The following CMBL variants were observed in gnomAD, a reference collection of about 807,000 sequenced individuals.
CMBL encodes carboxymethylenebutenolidase homolog (Pseudomonas).
CMBL carries 17 observed loss-of-function variants against 28.7 expected under a neutral mutation model. The ratio of observed to expected loss-of-function variants is 0.59; its 90% CI spans 0.41 to 0.89. The LOEUF (loss-of-function observed/expected upper bound fraction) is 0.89. Among genes scored for constraint, CMBL ranks in the 40% least tolerant of loss-of-function variants. The pLI, the probability that CMBL is intolerant of heterozygous loss-of-function variation, is 0.00. For synonymous variants in CMBL, 106 were observed against 101.6 expected (o/e 1.04, Z -0.26); for missense variants, 310 against 298.5 (o/e 1.04, Z -0.28).
In CMBL at chr5:10,286,435, C is replaced by A. The variant is rs144167278; in HGVS notation, c.385G>T (p.Val129Leu). 1 of 1,614,086 alleles carries A rather than the reference C, an allele frequency of 6.2e-7. No individual in the cohort carries two copies. Among genetic ancestry groups the A allele is most frequent in the Non-Finnish European group, 8.5e-7 (1 of 1,179,960 alleles). ...QQCHAQKIGIVGFCWGGTAVH... is the reference protein window; with the variant it reads ...QQCHAQKIGILGFCWGGTAVH... Reference sequence around the variant, plus strand: ...GCAGTTCCACCCCAGCAGAATCCCACGATGCCAATTTTCTGGGCATGACAC... The same window carrying A: ...GCAGTTCCACCCCAGCAGAATCCCAAGATGCCAATTTTCTGGGCATGACAC... The change falls in exon 4 of 6, where the codon GTG (valine) becomes TTG (leucine). Residue 129 changes from valine to leucine, a missense_variant. Val to Leu is a conservative substitution (Grantham distance 32, BLOSUM62 1). Coordinates refer to ENST00000296658, the MANE Select transcript of CMBL (RefSeq NM_138809.4).
At chr5:10,288,342 G>A (rs952284874) in intron 3 of CMBL, 80 bp downstream of exon 3, 6 of 953,314 alleles carry the variant, frequency 6.3e-6, no homozygotes. Context: ...GTAAGGAGTA[G>A]TGTCTGAAAG....
intron 5 of CMBL, among the ~76,000 whole-genome samples, chr5:10,281,246 C>T (rs1264818983): frequency 3.9e-5 from 6 of 152,180 alleles, no homozygotes; most frequent in African/African-American, 1.4e-4. Context: ...GAGTCAGGGT[C>T]TCACTCTGTC....
At chr5:10,286,113 A>G (rs1005303317) in intron 4 of CMBL, 1 of 409,548 alleles carries the variant, frequency 2.4e-6, no homozygotes, top group African/African-American at 2.0e-5. Context: ...AATTTAGATT[A>G]GGTGGCTTTC....
intron 1 of CMBL, among the ~76,000 whole-genome samples, chr5:10,300,053 G>A (rs1254017857): frequency 6.6e-6 from 1 of 152,150 alleles, no homozygotes; most frequent in Admixed American, 6.6e-5. Flanking sequence ...CCCACTCCCC[G>A]TGCATGTGAC....
rs1228009288 is a variant in CMBL, at chr5:10,278,848, G to A, written c.*1605C>T. On this transcript the variant is annotated 3_prime_UTR_variant, in exon 6 of 6. Transcript: ENST00000296658. ...ATGTGCCAGGATAAACAAGCTTCCTGCGAGAGGGACACCTGGCCACAGGTT... is the reference window on the plus strand; with the variant it reads ...ATGTGCCAGGATAAACAAGCTTCCTACGAGAGGGACACCTGGCCACAGGTT... 6.6e-6 allele frequency among the ~76,000 whole-genome samples: 1 copy of A among 151,996 alleles called. No homozygotes were observed. The highest frequency in any genetic ancestry group is 1.5e-5 in the Non-Finnish European group (1 of 67,998).
intron 1 of CMBL, among the ~76,000 whole-genome samples, chr5:10,296,171 G>A (rs1746805793): frequency 6.6e-6 from 1 of 152,322 alleles, no homozygotes; most frequent in East Asian, 1.9e-4. Flanking sequence ...CAGGCCACAG[G>A]TTTACAGGAA....
Position 10,300,338 on chromosome 5 carries a change from C to T in CMBL, c.-20+7287G>A, listed in dbSNP as rs74862320. On this transcript the variant is annotated intron_variant, in intron 1 of 5. Coordinates refer to ENST00000296658, the MANE Select transcript of CMBL (RefSeq NM_138809.4). Reference sequence around the variant, plus strand: ...AGGTTTCAGAAAGAGCAGAGCCCTGCTGACACTTTCAATTTGGACTCCTGG... The same window carrying T: ...AGGTTTCAGAAAGAGCAGAGCCCTGTTGACACTTTCAATTTGGACTCCTGG... 2.7e-4 allele frequency among the ~76,000 whole-genome samples: 41 copies of T among 152,300 alleles called. 2 individuals carry two copies. In the East Asian group the frequency reaches 7.9e-3, roughly 29 times the overall value.
Position 10,286,474 on chromosome 5 carries a change from A to C in CMBL, c.346T>G (p.Tyr116Asp), listed in dbSNP as rs1293414786. The C allele has an allele frequency of 6.2e-7, 1 of 1,614,104 alleles. No homozygotes were observed. Reference protein sequence around the residue: ...IDREISAILKYLKQQCHAQKI... With the variant: ...IDREISAILKDLKQQCHAQKI... The stretch of plus-strand genomic sequence containing the variant: ...TGGGCATGACACTGTTGTTTCAGAT[A>C]CTTCAAGATAGCACTGATCTCTCTA... The change falls in exon 4 of 6, where the codon TAT becomes GAT. Residue 116 changes from tyrosine to aspartate, a missense_variant. Physicochemically the swap from Tyr to Asp is radical, Grantham distance 160. Transcript: ENST00000296658.
chr5:10,299,373 T>C (rs1012443551), intron 1 of CMBL, among the ~76,000 whole-genome samples: 3 of 152,192 alleles, frequency 2.0e-5, no homozygotes, highest in Non-Finnish European at 4.4e-5. Context: ...AAATACTATT[T>C]TCCATCTTGC....
intron 5 of CMBL, among the ~76,000 whole-genome samples, 167 bp from the exon 6 acceptor site, chr5:10,280,799 G>T (rs1198943215): frequency 6.6e-6 from 1 of 152,008 alleles, no homozygotes; most frequent in Non-Finnish European, 1.5e-5. Flanking sequence ...TTTTAGACAG[G>T]GTCTCACTCT....
chr5:10,305,786 G>A (rs1282585198), intron 1 of CMBL, among the ~76,000 whole-genome samples: 1 of 152,058 alleles, frequency 6.6e-6, no homozygotes, highest in Non-Finnish European at 1.5e-5. Flanking sequence ...GGCCAGGCTG[G>A]TCTCAAACTC....
chr5:10,297,058 GCC>G (rs1746821812), intron 1 of CMBL, among the ~76,000 whole-genome samples: 1 of 151,676 alleles, frequency 6.6e-6, no homozygotes, highest in Non-Finnish European at 1.5e-5. Flanking sequence ...GGTGGCACAT[GCC>G]TATAATCCCA....
intron 2 of CMBL, 105 bp from the exon 3 acceptor site, chr5:10,288,634 G>A: frequency 1.2e-6 from 1 of 868,474 alleles, no homozygotes; most frequent in South Asian, 1.4e-5. Context: ...CTGGCTCAGA[G>A]AAAAGGAAAA....
Position 10,290,588 on chromosome 5 carries a change from T to C in CMBL, c.175A>G (p.Thr59Ala), listed in dbSNP as rs780188175. The change falls in exon 2 of 6, where the codon ACC becomes GCC. Residue 59 changes from threonine to alanine, a missense_variant. By Grantham distance (58) the Thr-to-Ala change is moderately conservative. Transcript: ENST00000296658. ...QDIFGWQLPNTRYIADMISGN... is the reference protein window; with the variant it reads ...QDIFGWQLPNARYIADMISGN... ...GAGATCATGTCAGCTATATATCTGG[T>C]ATTGGGCAACTGCCAGCCAAATATA... is the stretch of plus-strand genomic sequence containing the variant. 1.2e-5 allele frequency: 20 copies of C among 1,614,064 alleles called. No homozygotes were observed. Among genetic ancestry groups the C allele is most frequent in the Non-Finnish European group, 1.7e-5 (20 of 1,180,022 alleles).
At chr5:10,287,507 T>G (rs890714543) in intron 3 of CMBL, among the ~76,000 whole-genome samples, 5 of 151,598 alleles carry the variant, frequency 3.3e-5, no homozygotes, top group Admixed American at 6.6e-5. Flanking sequence ...TGGGAGGGTG[T>G]GAGGGCCAAA....
chr5:10,292,748 C>T (rs564994839), intron 1 of CMBL, among the ~76,000 whole-genome samples: 84 of 144,722 alleles, frequency 5.8e-4, no homozygotes, highest in Non-Finnish European at 1.9e-4. Flanking sequence ...CGCTCGAACT[C>T]GGGAGGTGGA....
At chr5:10,282,969 A>G (rs1402408473) in intron 4 of CMBL, among the ~76,000 whole-genome samples, 2 of 151,792 alleles carry the variant, frequency 1.3e-5, no homozygotes, top group East Asian at 1.9e-4. Context: ...ACGCGCCTGC[A>G]ATCTCAGCTA....
At position 10,280,541 on chromosome 5, in the gene CMBL, C is replaced by A. The variant is rs147855838; in HGVS notation, c.650G>T (p.Arg217Leu). 2.5e-6 allele frequency: 4 copies of A among 1,613,860 alleles called. No homozygotes were observed. The highest frequency in any genetic ancestry group is 3.4e-6 in the Non-Finnish European group (4 of 1,179,832). Residue 217 changes from arginine to leucine, a missense_variant, in exon 6 of 6, where the codon CGG becomes CTG. Arg to Leu is a moderately radical substitution (Grantham distance 102). Transcript: ENST00000296658. ...TGCAGGTGAGCAATCTTCTCTCTTC[C>A]GATGCACGAACCCATGAGTCTGCCC... The part of the protein sequence containing the change: ...FSGQTHGFVH[R>L]KREDCSPADK...
Position 10,288,007 on chromosome 5 carries a change from G to A in CMBL, c.323+415C>T, listed in dbSNP as rs367688193. On this transcript the variant is annotated intron_variant, in intron 3 of 5. Coordinates refer to ENST00000296658, the MANE Select transcript of CMBL (RefSeq NM_138809.4). ...CAGCCTGCCAAAGTGCTGGGATTAC[G>A]GGTGTGAGCCACCATGCCCGGCCTA... is the stretch of plus-strand genomic sequence containing the variant. Among the ~76,000 whole-genome samples, 119 of 151,358 alleles carry A rather than the reference G, an allele frequency of 7.9e-4. 1 individual carries two copies. The highest frequency in any genetic ancestry group is 2.7e-3 in the African/African-American group (112 of 41,322).
Sources: allele counts gnomAD v4.1 joint callset (sites outside exome capture counted in the v4.1 genomes callset), GRCh38; gene constraint gnomAD v4.1.1; transcripts MANE v1.5; gene names NCBI Gene and HGNC (gene_info 2026-07-23, HGNC 2026-07-21).